The following GPRIN2 variants were observed in gnomAD, a reference collection of about 807,000 sequenced individuals.
GPRIN2 encodes G protein-regulated inducer of neurite outgrowth 2.
Under a neutral mutation model 0.3 loss-of-function variants are expected in GPRIN2, and 1 was observed. The observed-to-expected ratio is 3.90, with a 90% CI of 1.39 to 18.51. GPRIN2 has a LOEUF of 18.51. GPRIN2 is among the 30% of genes most tolerant of loss of function. The pLI is 0.11. For synonymous variants in GPRIN2, 361 were observed against 258.6 expected (o/e 1.40, Z -3.80); for missense variants, 880 against 604.2 (o/e 1.46, Z -4.79).
chr10:46,551,336 C>G (rs1842582173), intron 2 of GPRIN2: 1 of 947,792 alleles, frequency 1.1e-6, no homozygotes, highest in Non-Finnish European at 1.3e-6. Flanking sequence ...GAGAATCACC[C>G]TGGGCTTCCA....
Position 46,543,311 on chromosome 10 carries a change from CAGG to C in GPRIN2, c.*6046_*6048del, listed in dbSNP as rs1273530176. ...AGGCAAGTAAATCCTTGGCACAAAG[CAGG>C]AGGAGGCAGGAACAAGTACAATGGA... On this transcript the variant is annotated 3_prime_UTR_variant, in exon 3 of 3. Coordinates refer to ENST00000374314, the MANE Select transcript of GPRIN2 (RefSeq NM_001385282.1). Among the ~76,000 whole-genome samples, 1 of 152,308 alleles carries C rather than the reference CAGG, an allele frequency of 6.6e-6. No individual in the cohort carries two copies. Among genetic ancestry groups the C allele is most frequent in the African/African-American group, 2.4e-5 (1 of 41,488 alleles).
In GPRIN2 at chr10:46,542,808, G is replaced by A. The variant is rs1841859101; in HGVS notation, c.*6552C>T. On this transcript the variant is annotated 3_prime_UTR_variant, in exon 3 of 3. Coordinates refer to ENST00000374314, the MANE Select transcript of GPRIN2 (RefSeq NM_001385282.1). ...TGGGACAGTGCAGTGTGTCCCCACA[G>A]GGGCTCAGGCCACACCCCAACCCAA... Among the ~76,000 whole-genome samples the A allele has an allele frequency of 6.6e-6, 1 of 152,306 alleles. No individual in the cohort carries two copies. Among genetic ancestry groups the A allele is most frequent in the African/African-American group, 2.4e-5 (1 of 41,484 alleles).
Position 46,545,545 on chromosome 10 carries a change from C to G in GPRIN2, c.*3815G>C, listed in dbSNP as rs1400429329. 6.6e-6 allele frequency among the ~76,000 whole-genome samples: 1 copy of G among 152,308 alleles called. No homozygotes were observed. Among genetic ancestry groups the G allele is most frequent in the African/African-American group, 2.4e-5 (1 of 41,486 alleles). On this transcript the variant is annotated 3_prime_UTR_variant, in exon 3 of 3. Transcript: ENST00000374314. ...AGTGGTGAGGGCTAGGGTAGCCCTC[C>G]TCAATGCACTCTGGGAACTACATTT... is the stretch of plus-strand genomic sequence containing the variant.
chr10:46,548,458 G>A lies in GPRIN2; in HGVS notation c.*902C>T, dbSNP rs990558529. Reference sequence around the variant, plus strand: ...GCCGACAGAATGAGGTGAAAATAGTGCAATTTTAGGCTTTGTAACTGAGAT... The same window carrying A: ...GCCGACAGAATGAGGTGAAAATAGTACAATTTTAGGCTTTGTAACTGAGAT... On this transcript the variant is annotated 3_prime_UTR_variant, in exon 3 of 3. Coordinates refer to ENST00000374314, the MANE Select transcript of GPRIN2 (RefSeq NM_001385282.1). Among the ~76,000 whole-genome samples the A allele has an allele frequency of 1.3e-5, 2 of 152,310 alleles. No individual in the cohort carries two copies. Among genetic ancestry groups the A allele is most frequent in the East Asian group, 3.8e-4 (2 of 5,208 alleles).
In GPRIN2 at chr10:46,550,178, A is replaced by G; in HGVS notation, c.559T>C (p.Trp187Arg). Residue 187 changes from tryptophan to arginine, a missense_variant, in exon 3 of 3, where the codon TGG becomes CGG. Transcript: ENST00000374314. ...GACAACTGACTCGCCCCCAGCATCCAGGCTGAGTTAGAAGTCTCATCCTCA... is the reference window on the plus strand; with the variant it reads ...GACAACTGACTCGCCCCCAGCATCCGGGCTGAGTTAGAAGTCTCATCCTCA... ...APEDETSNSA[W>R]MLGASQLSVP... 6.3e-7 allele frequency: 1 copy of G among 1,599,298 alleles called. No homozygotes were observed. The highest frequency in any genetic ancestry group is 1.1e-5 in the South Asian group (1 of 89,456).
chr10:46,551,878 C>A (rs1172835750), intron 2 of GPRIN2, among the ~76,000 whole-genome samples: 2 of 152,310 alleles, frequency 1.3e-5, no homozygotes, highest in Admixed American at 6.5e-5. Context: ...GTTTGGCCAA[C>A]TGTCAGCCTC....
intron 2 of GPRIN2, among the ~76,000 whole-genome samples, chr10:46,553,916 T>C (rs1399824116): frequency 6.6e-6 from 1 of 152,294 alleles, no homozygotes. Flanking sequence ...CCTGTCACAG[T>C]GCTGTGGACT....
chr10:46,550,231 G>A lies in GPRIN2; in HGVS notation c.506C>T (p.Pro169Leu). ...GGTSGQGGQA[P>L]AGLERDLAPE... ...AGCCAGGTCCCTTTCCAGGCCTGCA[G>A]GGGCCTGGCCACCCTGGCCAGAAGT... is the stretch of plus-strand genomic sequence containing the variant. Residue 169 changes from proline (P) to leucine (L), a missense_variant, in exon 3 of 3, where the codon CCT becomes CTT. Coordinates refer to ENST00000374314, the MANE Select transcript of GPRIN2 (RefSeq NM_001385282.1). The A allele has an allele frequency of 1.2e-6, 2 of 1,606,394 alleles. No homozygotes were observed. Among genetic ancestry groups the A allele is most frequent in the Admixed American group, 3.4e-5 (2 of 59,490 alleles).
In GPRIN2 at chr10:46,544,173, C is replaced by G. The variant is rs1833003451; in HGVS notation, c.*5187G>C. On this transcript the variant is annotated 3_prime_UTR_variant, in exon 3 of 3. Transcript: ENST00000374314. ...GCCGGCTGCAGAGGGGCTCCATTCC[C>G]CTGACCCTCAGTCACTTCCCAGAAA... 2.0e-5 allele frequency among the ~76,000 whole-genome samples: 3 copies of G among 152,426 alleles called. No homozygotes were observed. Among genetic ancestry groups the G allele is most frequent in the African/African-American group, 7.2e-5 (3 of 41,610 alleles).
rs887030405 is a variant in GPRIN2, at chr10:46,545,519, G to A, written c.*3841C>T. Among the ~76,000 whole-genome samples, 3 of 152,310 alleles carry A rather than the reference G, an allele frequency of 2.0e-5. No individual in the cohort carries two copies. ...GCTTCTGGGGAACCCAGCCCAAGAT[G>A]AGTGGTGAGGGCTAGGGTAGCCCTC... On this transcript the variant is annotated 3_prime_UTR_variant, in exon 3 of 3. Coordinates refer to ENST00000374314, the MANE Select transcript of GPRIN2 (RefSeq NM_001385282.1).
In GPRIN2 at chr10:46,546,128, A is replaced by G. The variant is rs1223530429; in HGVS notation, c.*3232T>C. Among the ~76,000 whole-genome samples, 1 of 152,306 alleles carries G rather than the reference A, an allele frequency of 6.6e-6. No homozygotes were observed. On this transcript the variant is annotated 3_prime_UTR_variant, in exon 3 of 3. Coordinates refer to ENST00000374314, the MANE Select transcript of GPRIN2 (RefSeq NM_001385282.1). ...AGGCCATCCCTGCTTTTCCACCACC[A>G]CCAGCACTGTGACCTCAGACCAGCT...
In GPRIN2 at chr10:46,550,128, G is replaced by A. The variant is rs1832474626; in HGVS notation, c.609C>T (p.Asp203=). 7 of 1,606,982 alleles carry A rather than the reference G, an allele frequency of 4.4e-6. No individual in the cohort carries two copies. The highest frequency in any genetic ancestry group is 1.3e-5 in the African/African-American group (1 of 74,866). The change falls in exon 3 of 3, where the codon GAC becomes GAT. Residue 203 remains aspartate (D), a synonymous_variant. Transcript: ENST00000374314. Reference sequence around the variant, plus strand: ...GGGCACTGCTGCTGTGGGCAGTTGTGTCCCCCAGGTCTAGTGGTGGCACTG... The same window carrying A: ...GGGCACTGCTGCTGTGGGCAGTTGTATCCCCCAGGTCTAGTGGTGGCACTG... ...QLSVPPLDLG[D]TTAHSSSAQA...
rs1482011343 is a variant in GPRIN2 at position 46,550,545 on chromosome 10, T to C, written c.192A>G (p.Glu64=). ...EASTRPQAPE[E]EGNPPESMKP... ...TCATGCTCTCAGGCGGGTTCCCCTC[T>C]TCCTCCGGGGCCTGGGGTCTGGTGC... Residue 64 remains glutamate, a synonymous_variant, in exon 3 of 3, where the codon GAA becomes GAG. Transcript: ENST00000374314. 40 of 1,590,484 alleles carry C rather than the reference T, an allele frequency of 2.5e-5. No individual in the cohort carries two copies. Among genetic ancestry groups the C allele is most frequent in the Non-Finnish European group, 3.3e-5 (39 of 1,167,812 alleles).
At position 46,548,130 on chromosome 10, in the gene GPRIN2, T is replaced by C. The variant is rs1046572304; in HGVS notation, c.*1230A>G. Among the ~76,000 whole-genome samples, 4 of 152,308 alleles carry C rather than the reference T, an allele frequency of 2.6e-5. No individual in the cohort carries two copies. Among genetic ancestry groups the C allele is most frequent in the African/African-American group, 7.2e-5 (3 of 41,486 alleles). On this transcript the variant is annotated 3_prime_UTR_variant, in exon 3 of 3. Transcript: ENST00000374314. ...CCCTCACACGGGTGGATTGGGGGGC[T>C]GTGTCACGGGATCTTAGGATCTTCA... is the stretch of plus-strand genomic sequence containing the variant.
At position 46,548,252 on chromosome 10, in the gene GPRIN2, G is replaced by T. The variant is rs1303534640; in HGVS notation, c.*1108C>A. Reference sequence around the variant, plus strand: ...GAAGTCAGACTGTGCCAAAGCCCATGTTTCTGTCTCTCCAAGGCCCCTGGC... The same window carrying T: ...GAAGTCAGACTGTGCCAAAGCCCATTTTTCTGTCTCTCCAAGGCCCCTGGC... On this transcript the variant is annotated 3_prime_UTR_variant, in exon 3 of 3. Coordinates refer to ENST00000374314, the MANE Select transcript of GPRIN2 (RefSeq NM_001385282.1). Among the ~76,000 whole-genome samples the T allele has an allele frequency of 4.0e-5, 6 of 151,674 alleles. No individual in the cohort carries two copies. The highest frequency in any genetic ancestry group is 1.5e-4 in the African/African-American group (6 of 41,336).
chr10:46,542,918 G>A lies in GPRIN2; in HGVS notation c.*6442C>T, dbSNP rs1052576700. Among the ~76,000 whole-genome samples the A allele has an allele frequency of 8.5e-5, 13 of 152,292 alleles. No homozygotes were observed. The highest frequency in any genetic ancestry group is 4.4e-5 in the Non-Finnish European group (3 of 68,056). ...AGCAGATGGGTGCCACCCACCTGAT[G>A]TACCTCTCTAGCAGCCTAGCCAGCC... On this transcript the variant is annotated 3_prime_UTR_variant, in exon 3 of 3. Coordinates refer to ENST00000374314, the MANE Select transcript of GPRIN2 (RefSeq NM_001385282.1).
Position 46,550,112 on chromosome 10 carries a change from T to A in GPRIN2, c.625A>T (p.Ser209Cys). The A allele has an allele frequency of 6.2e-7, 1 of 1,611,076 alleles. No homozygotes were observed. The highest frequency in any genetic ancestry group is 1.1e-5 in the South Asian group (1 of 90,894). Residue 209 changes from serine (S) to cysteine (C), a missense_variant, in exon 3 of 3, where the codon AGC (serine) becomes TGC (cysteine). Coordinates refer to ENST00000374314, the MANE Select transcript of GPRIN2 (RefSeq NM_001385282.1). ...GCTTTGGGCTCAGCCTGGGCACTGC[T>A]GCTGTGGGCAGTTGTGTCCCCCAGG... is the stretch of plus-strand genomic sequence containing the variant. ...LDLGDTTAHS[S>C]SAQAEPKAAE...
Position 46,549,397 on chromosome 10 carries a change from G to T in GPRIN2, c.1340C>A (p.Pro447His). The change falls in exon 3 of 3, where the codon CCC becomes CAC. Residue 447 changes from proline to histidine, a missense_variant. Pro to His is a moderately conservative substitution (Grantham distance 77). Coordinates refer to ENST00000374314, the MANE Select transcript of GPRIN2 (RefSeq NM_001385282.1). ...CGCGCCGGAGCAGCCGCAGCAGCTG[G>T]GGCGCCGCAGGGACTGCATGACAGC... ...LRAVMQSLRRPSCCGCSGAAP... is the reference protein window; with the variant it reads ...LRAVMQSLRRHSCCGCSGAAP... 1 of 1,504,960 alleles carries T rather than the reference G, an allele frequency of 6.6e-7. No individual in the cohort carries two copies. Among genetic ancestry groups the T allele is most frequent in the Non-Finnish European group, 8.8e-7 (1 of 1,130,514 alleles). The allele number at this position is 1,504,960 out of a possible 1,614,324, so 93.2% of individuals were successfully genotyped here. A position where few individuals can be genotyped will look rare whatever the true frequency, so the allele number is the denominator to read the frequency against.
Position 46,549,809 on chromosome 10 carries a change from T to G in GPRIN2, c.928A>C (p.Thr310Pro). The G allele has an allele frequency of 6.2e-7, 1 of 1,614,200 alleles. No individual in the cohort carries two copies. Among genetic ancestry groups the G allele is most frequent in the Non-Finnish European group, 8.5e-7 (1 of 1,180,060 alleles). The change falls in exon 3 of 3, where the codon ACC (threonine) becomes CCC (proline). Residue 310 changes from threonine to proline, a missense_variant. Physicochemically the swap from Thr to Pro is conservative, Grantham distance 38. Coordinates refer to ENST00000374314, the MANE Select transcript of GPRIN2 (RefSeq NM_001385282.1). The part of the protein sequence containing the change: ...AGLVPEPGSR[T>P]KDVWTMTSAN... The stretch of plus-strand genomic sequence containing the variant: ...GAGGTCATGGTCCACACATCTTTGG[T>G]CCTAGAGCCAGGCTCTGGGACTAAC...
Sources: gnomAD v4.1 joint callset for allele counts (sites outside exome capture counted in the v4.1 genomes callset) on GRCh38, gnomAD v4.1.1 for gene constraint, MANE v1.5 for transcripts, NCBI Gene and HGNC (gene_info 2026-07-23, HGNC 2026-07-21) for gene names.